ADCY10: variants seen among roughly 807,000 people sequenced by gnomAD.
The protein encoded by ADCY10 is adenylate cyclase 10.
In ADCY10, 156 loss-of-function variants were observed where a neutral mutation model predicts 183.3. The ratio of observed to expected loss-of-function variants is 0.85; its 90% confidence interval spans 0.75 to 0.97. The LOEUF is 0.97. ADCY10 is among the 50% of genes least tolerant of loss of function. The probability of loss-of-function intolerance (pLI) is 0.00; values close to 1 mark genes in which losing one functional copy is unlikely to be tolerated. For missense variants in ADCY10, 1,745 were observed against 1,934.3 expected, an observed-to-expected ratio of 0.90 and a Z score of 1.84; for synonymous variants, 645 against 670.0, an observed-to-expected ratio of 0.96 and a Z score of 0.58.
chr1:167,828,969 A>C lies in ADCY10; in HGVS notation c.3750+298T>G, dbSNP rs559734089. Among the ~76,000 whole-genome samples the C allele has an allele frequency of 7.2e-5, 11 of 152,280 alleles. No homozygotes were observed. The South Asian group carries it at 8.3e-4, about 11-fold the overall frequency. On this transcript the variant is annotated intron_variant, in intron 26 of 32. Transcript: ENST00000367851. ...AGAGCAAGACTCCATCTCAAAAAAA[A>C]CCAGCAAAAATAATAATAATAATAT... is the stretch of plus-strand genomic sequence containing the variant.
At chr1:167,882,183 T>C (rs1210375000) in intron 9 of ADCY10, among the ~76,000 whole-genome samples, 3 of 152,140 alleles carry the variant, frequency 2.0e-5, no homozygotes, top group Non-Finnish European at 4.4e-5. Flanking sequence ...TTTCTCTGAA[T>C]TGATTAAGAA....
At chr1:167,849,410 G>C (rs745524500) in intron 18 of ADCY10, among the ~76,000 whole-genome samples, 21 of 152,176 alleles carry the variant, frequency 1.4e-4, no homozygotes, top group Non-Finnish European at 8.8e-5. Flanking sequence ...AGGTGAGGTG[G>C]AAATAGGAAG....
At chr1:167,896,495 T>A in intron 7 of ADCY10, 100 bp downstream of exon 7, 1 of 950,156 alleles carries the variant, frequency 1.1e-6, no homozygotes, top group Non-Finnish European at 1.7e-6. Context: ...AGGAGCTGTG[T>A]TGAGGAGCCC....
At position 167,810,786 on chromosome 1, in the gene ADCY10, G is replaced by T; in HGVS notation, c.4610C>A (p.Ala1537Asp). ...GQKCGLFLNTALRLSETQGNI... is the reference protein window; with the variant it reads ...GQKCGLFLNTDLRLSETQGNI... ...CCCCTGTGTTTCAGAGAGCCGCAAGGCTGTGTTCAGGAAGAGGCCACATTT... is the reference window on the plus strand; with the variant it reads ...CCCCTGTGTTTCAGAGAGCCGCAAGTCTGTGTTCAGGAAGAGGCCACATTT... Residue 1537 changes from alanine to aspartate, a missense_variant, in exon 32 of 33, where the codon GCC (alanine) becomes GAC (aspartate). Coordinates refer to ENST00000367851, the MANE Select transcript of ADCY10 (RefSeq NM_018417.6). 6.2e-7 allele frequency: 1 copy of T among 1,614,204 alleles called. No individual in the cohort carries two copies. The highest frequency in any genetic ancestry group is 8.5e-7 in the Non-Finnish European group (1 of 1,180,038).
intron 13 of ADCY10, among the ~76,000 whole-genome samples, chr1:167,871,918 T>C (rs1667128703): frequency 6.6e-6 from 1 of 152,238 alleles, no homozygotes; most frequent in African/African-American, 2.4e-5. Context: ...ACTTAGAAGA[T>C]GAGGCTTCAA....
chr1:167,878,495 C>T lies in ADCY10; in HGVS notation c.1357G>A (p.Val453Ile), dbSNP rs1256878119. 6.2e-7 allele frequency: 1 copy of T among 1,614,202 alleles called. No homozygotes were observed. Among genetic ancestry groups the T allele is most frequent in the Admixed American group, 1.7e-5 (1 of 60,018 alleles). ...TGATACAATGGTCCAGAATCTGCAACACCTTTCATAACTTTCTTTGGAAGC... is the reference window on the plus strand; with the variant it reads ...TGATACAATGGTCCAGAATCTGCAATACCTTTCATAACTTTCTTTGGAAGC... ...KELPKKVMKG[V>I]ADSGPLYQYW... The change falls in exon 12 of 33, where the codon GTT (valine) becomes ATT (isoleucine). Residue 453 changes from valine (V) to isoleucine (I), a missense_variant. Val to Ile is a conservative substitution (Grantham distance 29, BLOSUM62 3). Coordinates refer to ENST00000367851, the MANE Select transcript of ADCY10 (RefSeq NM_018417.6).
At chr1:167,874,640 T>G (rs1405832602) in intron 13 of ADCY10, among the ~76,000 whole-genome samples, 1 of 152,208 alleles carries the variant, frequency 6.6e-6, no homozygotes, top group East Asian at 1.9e-4. Context: ...AATGCATACA[T>G]GCATTCACCA....
At chr1:167,861,644 A>G (rs745732415) in intron 14 of ADCY10, among the ~76,000 whole-genome samples, 3 of 152,144 alleles carry the variant, frequency 2.0e-5, no homozygotes, top group Non-Finnish European at 4.4e-5. Flanking sequence ...TCAATGTCCT[A>G]AGGTTGACTA....
chr1:167,855,345 CA>C (rs1665813186), intron 17 of ADCY10, among the ~76,000 whole-genome samples: 1 of 151,736 alleles, frequency 6.6e-6, no homozygotes, highest in African/African-American at 2.4e-5. Flanking sequence ...AACAAACAAA[CA>C]AACAAACAAA....
chr1:167,832,911 G>A, intron 25 of ADCY10, 76 bp downstream of exon 25: 3 of 1,515,532 alleles, frequency 2.0e-6, no homozygotes, highest in Admixed American at 1.7e-5. Flanking sequence ...AGGCTTTGGG[G>A]GCTGACTTGG....
chr1:167,810,860 C>G lies in ADCY10; in HGVS notation c.4536G>C (p.Arg1512Ser). 1 of 1,614,136 alleles carries G rather than the reference C, an allele frequency of 6.2e-7. No homozygotes were observed. Among genetic ancestry groups the G allele is most frequent in the Non-Finnish European group, 8.5e-7 (1 of 1,180,026 alleles). The change falls in exon 32 of 33, where the codon AGG (arginine) becomes AGC (serine). Residue 1512 changes from arginine (R) to serine (S), a missense_variant. Transcript: ENST00000367851. Reference protein sequence around the residue: ...QNTTGPVFCPRLYHLMAYVCI... With the variant: ...QNTTGPVFCPSLYHLMAYVCI... ...AGACGTAAGCCATCAGGTGGTAGAG[C>G]CTTGGGCAAAAGACAGGGCCAGTGG...
intron 8 of ADCY10, among the ~76,000 whole-genome samples, chr1:167,891,853 A>T (rs900965047): frequency 1.3e-5 from 2 of 152,194 alleles, no homozygotes; most frequent in African/African-American, 4.8e-5. Flanking sequence ...AGGAATTGGT[A>T]TAGGGAATAA....
At chr1:167,827,960 C>A (rs150237114) in intron 26 of ADCY10, among the ~76,000 whole-genome samples, 1 of 152,072 alleles carries the variant, frequency 6.6e-6, no homozygotes, top group Non-Finnish European at 1.5e-5. Context: ...GTGATCCGCC[C>A]ACCTCAGCCT....
intron 31 of ADCY10, among the ~76,000 whole-genome samples, chr1:167,814,917 G>A (rs1436695924): frequency 1.3e-5 from 2 of 152,160 alleles, no homozygotes; most frequent in Non-Finnish European, 1.5e-5. Context: ...CCTGAGGTCA[G>A]GAGTTCAGGA....
Position 167,820,302 on chromosome 1 carries a change from T to G in ADCY10, c.4286+1722A>C, listed in dbSNP as rs192488746. On this transcript the variant is annotated intron_variant, in intron 30 of 32. Coordinates refer to ENST00000367851, the MANE Select transcript of ADCY10 (RefSeq NM_018417.6). ...CCGCAGCGCCGGCCGCCTAGCCAAGTCTCTGGGAAGGGGACTAGCCGGCCT... is the reference window on the plus strand; with the variant it reads ...CCGCAGCGCCGGCCGCCTAGCCAAGGCTCTGGGAAGGGGACTAGCCGGCCT... 3.1e-3 allele frequency: 3,837 copies of G among 1,248,668 alleles called. 16 individuals carry two copies. The highest frequency in any genetic ancestry group is 4.4e-3 in the Middle Eastern group (16 of 3,616). 77.3% of individuals were successfully genotyped at this position (1,248,668 alleles called of 1,614,324 possible). A position where few individuals can be genotyped will look rare whatever the true frequency, so the allele number is the denominator to read the frequency against.
chr1:167,873,667 T>C (rs1023946278), intron 13 of ADCY10, among the ~76,000 whole-genome samples: 2 of 152,106 alleles, frequency 1.3e-5, no homozygotes, highest in Admixed American at 1.3e-4. Flanking sequence ...TACAATAAGG[T>C]CCCTATCACC....
intron 17 of ADCY10, 41 bp from the exon 18 acceptor site, chr1:167,854,530 A>G (rs763405704): frequency 1.2e-6 from 2 of 1,612,050 alleles, no homozygotes; most frequent in Non-Finnish European, 8.5e-7. Context: ...TTGAAGATAC[A>G]TCTTTTAGGA....
intron 31 of ADCY10, among the ~76,000 whole-genome samples, chr1:167,812,292 A>AT: frequency 6.6e-6 from 1 of 152,062 alleles, no homozygotes; most frequent in South Asian, 2.1e-4. Context: ...CCCCAACTTT[A>AT]TTTTTTTCTC....
At chr1:167,867,747 C>T (rs952138267) in intron 14 of ADCY10, among the ~76,000 whole-genome samples, 1 of 151,350 alleles carries the variant, frequency 6.6e-6, no homozygotes, top group Admixed American at 6.6e-5. Flanking sequence ...CAATAGCAAT[C>T]GGCATAGAAT....
Sources: allele counts gnomAD v4.1 joint callset (sites outside exome capture counted in the v4.1 genomes callset), GRCh38; gene constraint gnomAD v4.1.1; transcripts MANE v1.5; gene names NCBI Gene and HGNC (gene_info 2026-07-23, HGNC 2026-07-21).